SNX27: variants seen among roughly 807,000 people sequenced by gnomAD.
SNX27 encodes the protein sorting nexin-27.
A neutral mutation model predicts 71.6 loss-of-function variants in SNX27; 22 were observed. The observed-to-expected ratio is 0.31, with a 90% CI of 0.22 to 0.44. The LOEUF (loss-of-function observed/expected upper bound fraction) is 0.44, where lower values mean the gene tolerates loss of function less well. Among genes scored for constraint, SNX27 ranks in the 20% least tolerant of loss-of-function variants. The pLI is 1.00. For missense variants in SNX27, 531 were observed against 698.6 expected (o/e 0.76, Z 2.70); for synonymous variants, 269 against 277.2 (o/e 0.97, Z 0.29).
At chr1:151,614,036 T>C (rs532622095) in intron 1 of SNX27, 4 of 152,224 alleles carry the variant, frequency 2.6e-5, no homozygotes, top group African/African-American at 4.8e-5. Context: ...ATCTGCCTTA[T>C]AGAGAAATCC....
intron 8 of SNX27, among the ~76,000 whole-genome samples, chr1:151,688,136 C>G (rs915814407): frequency 1.3e-4 from 20 of 152,168 alleles, no homozygotes; most frequent in East Asian, 9.7e-4. Flanking sequence ...TTACTCAAAA[C>G]TTAAAGTGAA....
chr1:151,631,926 C>T (rs1392882870), intron 1 of SNX27, among the ~76,000 whole-genome samples: 3 of 152,148 alleles, frequency 2.0e-5, no homozygotes, highest in East Asian at 1.9e-4. Context: ...CCTCCCACTG[C>T]GGCCTCCCAA....
At position 151,612,282 on chromosome 1, in the gene SNX27, G is replaced by T; in HGVS notation, c.81G>T (p.Gly27=). The change falls in exon 1 of 12, where the codon GGG becomes GGT. Residue 27 remains glycine, a synonymous_variant. Transcript: ENST00000458013. This position sits in a 1 kb window ranked among gnomAD's most constrained non-coding sequence, Gnocchi z 5.2. The part of the protein sequence containing the change: ...NGGGGGGGGS[G]LHCAGNGGGG... ...GTGGCGGCGGCGGCGGGGGGTCTGG[G>T]CTCCACTGCGCCGGGAACGGCGGCG... 6.7e-7 allele frequency: 1 copy of T among 1,497,986 alleles called. No individual in the cohort carries two copies. The highest frequency in any genetic ancestry group is 8.9e-7 in the Non-Finnish European group (1 of 1,125,724). The allele number at this position is 1,497,986 out of a possible 1,614,324, so 92.8% of individuals were successfully genotyped here.
chr1:151,657,451 C>T (rs527670309), intron 2 of SNX27, among the ~76,000 whole-genome samples: 8 of 152,262 alleles, frequency 5.3e-5, no homozygotes, highest in Non-Finnish European at 7.4e-5. Flanking sequence ...GAATCACAGA[C>T]GTGAGCCACC....
At chr1:151,644,026 G>A (rs575936017) in intron 2 of SNX27, among the ~76,000 whole-genome samples, 1 of 152,236 alleles carries the variant, frequency 6.6e-6, no homozygotes, top group South Asian at 2.1e-4. Flanking sequence ...ACTCTAGTTT[G>A]GGCAACAAAG....
chr1:151,668,665 A>G (rs1670321612), intron 7 of SNX27, 30 bp downstream of exon 7: 3 of 1,598,158 alleles, frequency 1.9e-6, no homozygotes, highest in Non-Finnish European at 2.6e-6. Flanking sequence ...TGAAAGGCAC[A>G]ATTTCTTTTT....
chr1:151,653,906 C>G (rs1240914946), intron 2 of SNX27, among the ~76,000 whole-genome samples: 1 of 147,784 alleles, frequency 6.8e-6, no homozygotes, highest in South Asian at 2.1e-4. Flanking sequence ...GATCTTGGCT[C>G]ACTGCAACCT....
chr1:151,692,433 AGTACC>A lies in SNX27; in HGVS notation c.1240-1_1243del. 3.7e-6 allele frequency: 1 copy of A among 267,184 alleles called. No individual in the cohort carries two copies. The highest frequency in any genetic ancestry group is 5.0e-6 in the Non-Finnish European group (1 of 200,482). 16.6% of individuals were successfully genotyped at this position (267,184 alleles called of 1,614,324 possible). On this transcript the variant is annotated splice_acceptor_variant and coding_sequence_variant, in exon 9 of 12. Transcript: ENST00000458013. LOFTEE classifies it high-confidence loss of function. ...TTTTTTTTTTTTTTTTTTTTTTTTT[AGTACC>A]TCAACATGCTAAGGACTTGTGAGGG... is the stretch of plus-strand genomic sequence containing the variant.
In SNX27 at chr1:151,641,504, T is replaced by C. The variant is rs147793995; in HGVS notation, c.543+2385T>C. On this transcript the variant is annotated intron_variant, in intron 2 of 11. Coordinates refer to ENST00000458013, the MANE Select transcript of SNX27 (RefSeq NM_001330723.2). ...CATGTGTCTTCATTGATGAAGTAGC[T>C]GTTTAACTCTTTTGCCCGTTTAAAA... is the stretch of plus-strand genomic sequence containing the variant. Among the ~76,000 whole-genome samples the C allele has an allele frequency of 6.0e-3, 900 of 150,838 alleles. 11 individuals are homozygous for C. Among genetic ancestry groups the C allele is most frequent in the African/African-American group, 0.021 (847 of 41,156 alleles).
chr1:151,663,189 C>T (rs1271331331), intron 5 of SNX27, among the ~76,000 whole-genome samples: 3 of 147,966 alleles, frequency 2.0e-5, no homozygotes, highest in Middle Eastern at 3.3e-3. Flanking sequence ...CTTGCTCTGT[C>T]GCCCAGACTG....
At chr1:151,660,593 A>T (rs997143697) in intron 3 of SNX27, 20 of 503,202 alleles carry the variant, frequency 4.0e-5, no homozygotes, top group Non-Finnish European at 7.2e-5. Flanking sequence ...ATTTTCTATT[A>T]TTTCTTTGTT....
At chr1:151,650,603 TA>T (rs1558052564) in intron 2 of SNX27, among the ~76,000 whole-genome samples, 1 of 152,066 alleles carries the variant, frequency 6.6e-6, no homozygotes, top group African/African-American at 2.4e-5. Context: ...TCTTTTTTTT[TA>T]AAATTTATTT....
Position 151,612,201 on chromosome 1 carries a change from G to A in SNX27, c.-1G>A. On this transcript the variant is annotated 5_prime_UTR_variant, in exon 1 of 12. Coordinates refer to ENST00000458013, the MANE Select transcript of SNX27 (RefSeq NM_001330723.2). This position sits in a 1 kb window ranked among gnomAD's most constrained non-coding sequence, Gnocchi z 5.2. The stretch of plus-strand genomic sequence containing the variant: ...GGGGGTACGGCTCGCCTGCTCGCAA[G>A]ATGGCGGACGAGGACGGGGAAGGGA... 1 of 1,344,586 alleles carries A rather than the reference G, an allele frequency of 7.4e-7. No homozygotes were observed. Among genetic ancestry groups the A allele is most frequent in the Non-Finnish European group, 9.6e-7 (1 of 1,045,784 alleles). The allele number at this position is 1,344,586 out of a possible 1,614,324, so 83.3% of individuals were successfully genotyped here. A position where few individuals can be genotyped will look rare whatever the true frequency, so the allele number is the denominator to read the frequency against.
intron 7 of SNX27, among the ~76,000 whole-genome samples, chr1:151,673,367 A>T (rs988171623): frequency 1.3e-5 from 2 of 152,072 alleles, no homozygotes; most frequent in Admixed American, 6.6e-5. Context: ...ACTTGATCAT[A>T]TTGATATTAT....
intron 5 of SNX27, among the ~76,000 whole-genome samples, chr1:151,664,472 A>T (rs1670105525): frequency 1.3e-5 from 2 of 151,924 alleles, no homozygotes; most frequent in Non-Finnish European, 2.9e-5. Context: ...AGATATCTAG[A>T]ATAGGACATT....
At chr1:151,673,258 C>T (rs1445894445) in intron 7 of SNX27, among the ~76,000 whole-genome samples, 6 of 152,034 alleles carry the variant, frequency 3.9e-5, no homozygotes, top group Admixed American at 6.6e-5. Flanking sequence ...TTAATTTCCA[C>T]GTACTTGAAT....
chr1:151,631,650 CT>C (rs1363390029), intron 1 of SNX27, among the ~76,000 whole-genome samples: 1 of 152,168 alleles, frequency 6.6e-6, no homozygotes, highest in Non-Finnish European at 1.5e-5. Context: ...TTTTCAAATA[CT>C]TGGTCAGAAG....
Position 151,697,617 on chromosome 1 carries a change from G to A in SNX27, c.*3200G>A, listed in dbSNP as rs1420782644. On this transcript the variant is annotated 3_prime_UTR_variant, in exon 12 of 12. Transcript: ENST00000458013. ...ATGCACGGCCTTGGGTGATGGAGGCGGGTTCCCTGTGGCTGCGTGGATCCC... is the reference window on the plus strand; with the variant it reads ...ATGCACGGCCTTGGGTGATGGAGGCAGGTTCCCTGTGGCTGCGTGGATCCC... The A allele has an allele frequency of 2.0e-5, 3 of 152,742 alleles. No individual in the cohort carries two copies. The highest frequency in any genetic ancestry group is 7.2e-5 in the African/African-American group (3 of 41,456). The allele number at this position is 152,742 out of a possible 1,614,324, so 9.5% of individuals were successfully genotyped here.
chr1:151,660,933 T>G (rs1376130568), intron 4 of SNX27, 71 bp downstream of exon 4: 7 of 1,132,110 alleles, frequency 6.2e-6, no homozygotes, highest in Non-Finnish European at 9.4e-6. Context: ...TTAAAGGTAT[T>G]GATTATGCAT....
Sources: allele counts gnomAD v4.1 joint callset (sites outside exome capture counted in the v4.1 genomes callset), GRCh38; gene constraint gnomAD v4.1.1; non-coding constraint Gnocchi (gnomAD v3.1); transcripts MANE v1.5; gene names NCBI Gene and HGNC (gene_info 2026-07-23, HGNC 2026-07-21).